The following ESYT2 variants were observed in gnomAD, a reference collection of about 807,000 sequenced individuals.
ESYT2 encodes the protein extended synaptotagmin-2.
A neutral mutation model predicts 107.2 loss-of-function variants in ESYT2; 54 were observed. The observed-to-expected ratio is 0.50, with a 90% CI of 0.40 to 0.63. ESYT2 has a LOEUF of 0.63. ESYT2 is among the 30% of genes least tolerant of loss of function. The pLI is 0.00. For synonymous variants in ESYT2, 491 were observed against 434.1 expected (o/e 1.13, Z -1.63); for missense variants, 1,020 against 1,094.5 (o/e 0.93, Z 0.96).
At chr7:158,736,396 T>A (rs1253200569) in intron 20 of ESYT2, among the ~76,000 whole-genome samples, 1 of 152,224 alleles carries the variant, frequency 6.6e-6, no homozygotes, top group Admixed American at 6.5e-5. Context: ...AGGGTGGGTT[T>A]TGAAGCACTA....
chr7:158,806,007 C>T (rs1460097369), intron 1 of ESYT2, among the ~76,000 whole-genome samples: 1 of 152,196 alleles, frequency 6.6e-6, no homozygotes, highest in Non-Finnish European at 1.5e-5. Flanking sequence ...CACCATGGGC[C>T]CCAGGGACAC....
intron 6 of ESYT2, among the ~76,000 whole-genome samples, chr7:158,774,645 G>C (rs138456424): frequency 1.1e-3 from 175 of 152,260 alleles, no homozygotes; most frequent in Non-Finnish European, 2.1e-3. Context: ...AAAAATACCT[G>C]TCATGAGGAA....
intron 13 of ESYT2, among the ~76,000 whole-genome samples, chr7:158,753,320 A>G (rs1837642818): frequency 6.6e-6 from 1 of 152,220 alleles, no homozygotes; most frequent in Non-Finnish European, 1.5e-5. Context: ...AGCACCCAGC[A>G]GAGGAGCTGC....
intron 1 of ESYT2, among the ~76,000 whole-genome samples, chr7:158,827,289 A>C (rs1840485621): frequency 6.6e-6 from 1 of 152,182 alleles, no homozygotes; most frequent in African/African-American, 2.4e-5. Flanking sequence ...TGCAAATTTC[A>C]GCACTGATAA....
At chr7:158,828,725 G>A (rs1188966) in intron 1 of ESYT2, among the ~76,000 whole-genome samples, 85,691 of 151,958 alleles carry the variant, frequency 0.56, 25,917 homozygotes, top group Non-Finnish European at 0.66. Context: ...GGCCCCAGGC[G>A]GACAGGTTCG....
chr7:158,781,875 GAAC>G (rs1438391667), intron 6 of ESYT2, among the ~76,000 whole-genome samples: 111 of 74,942 alleles, frequency 1.5e-3, no homozygotes, highest in Middle Eastern at 8.2e-3. Context: ...GTAAGAACGA[GAAC>G]AAGTAAGAAC....
Position 158,788,362 on chromosome 7 carries a change from C to T in ESYT2, c.640G>A (p.Gly214Ser). Reference sequence around the variant, plus strand: ...AAACTTACCTGGATACTTTTCACACCAGCTCTACAAAAATATCGTTTGATC... The same window carrying T: ...AAACTTACCTGGATACTTTTCACACTAGCTCTACAAAAATATCGTTTGATC... ...LEIKRYFCRAGVKSIQIHGTM... is the reference protein window; with the variant it reads ...LEIKRYFCRASVKSIQIHGTM... Residue 214 changes from glycine (G) to serine (S), a missense_variant, in exon 5 of 23, where the codon GGT (glycine) becomes AGT (serine). Gly to Ser is a moderately conservative substitution (Grantham distance 56). Coordinates refer to ENST00000275418, the MANE Select transcript of ESYT2 (RefSeq NM_001367773.1). 1 of 1,611,068 alleles carries T rather than the reference C, an allele frequency of 6.2e-7. No individual in the cohort carries two copies. The highest frequency in any genetic ancestry group is 8.5e-7 in the Non-Finnish European group (1 of 1,179,236).
intron 1 of ESYT2, among the ~76,000 whole-genome samples, chr7:158,801,367 T>A (rs991338118): frequency 6.6e-6 from 1 of 152,182 alleles, no homozygotes; most frequent in African/African-American, 2.4e-5. Context: ...CATCTATGAG[T>A]GATTATCCCA....
Position 158,797,953 on chromosome 7 carries a change from C to T in ESYT2, c.496G>A (p.Val166Met), listed in dbSNP as rs1242952239. The T allele has an allele frequency of 3.7e-6, 6 of 1,613,860 alleles. No homozygotes were observed. Among genetic ancestry groups the T allele is most frequent in the Middle Eastern group, 1.6e-4 (1 of 6,078 alleles). The stretch of plus-strand genomic sequence containing the variant: ...AAGAGAACACTGACCTGCTGGCCCA[C>T]GTCGACCTTCGTGAAACTAAAGGTG... ...LSTFSFTKVD[V>M]GQQPLRINGV... Residue 166 changes from valine to methionine, a missense_variant, in exon 3 of 23, where the codon GTG becomes ATG. By Grantham distance (21) the Val-to-Met change is conservative. Coordinates refer to ENST00000275418, the MANE Select transcript of ESYT2 (RefSeq NM_001367773.1).
In ESYT2 at chr7:158,767,643, G is replaced by C. The variant is rs1838208440; in HGVS notation, c.924+11C>G. 1.9e-6 allele frequency: 3 copies of C among 1,606,712 alleles called. No homozygotes were observed. In the South Asian group the frequency reaches 3.3e-5, roughly 18 times the overall value. ...GTTTTTAAATGTGAATGGATGCCGG[G>C]ACACGCTTACCTTTGGTACAGGAAA... is the stretch of plus-strand genomic sequence containing the variant. On this transcript the variant is annotated intron_variant, in intron 8 of 22. Coordinates refer to ENST00000275418, the MANE Select transcript of ESYT2 (RefSeq NM_001367773.1).
At chr7:158,800,193 C>T (rs561343843) in intron 1 of ESYT2, among the ~76,000 whole-genome samples, 2 of 151,250 alleles carry the variant, frequency 1.3e-5, no homozygotes, top group Non-Finnish European at 2.9e-5. Context: ...GGATTGCAGG[C>T]ACCTACCACC....
chr7:158,739,645 G>T (rs976785027), intron 18 of ESYT2, among the ~76,000 whole-genome samples: 4 of 152,188 alleles, frequency 2.6e-5, no homozygotes, highest in Non-Finnish European at 5.9e-5. Context: ...ATCGCGTCCA[G>T]CCAACTGACA....
intron 1 of ESYT2, among the ~76,000 whole-genome samples, chr7:158,811,575 G>A (rs547335923): frequency 8.5e-5 from 13 of 152,302 alleles, no homozygotes; most frequent in African/African-American, 2.9e-4. Context: ...ACAAGCTCCC[G>A]CACATGTGCA....
intron 1 of ESYT2, among the ~76,000 whole-genome samples, chr7:158,825,096 C>T (rs1004599810): frequency 2.6e-5 from 4 of 152,174 alleles, no homozygotes; most frequent in Non-Finnish European, 4.4e-5. Flanking sequence ...AGTTTGAGAC[C>T]AGCCTGGCCA....
chr7:158,776,224 G>A (rs1838558736), intron 6 of ESYT2, among the ~76,000 whole-genome samples: 1 of 151,252 alleles, frequency 6.6e-6, no homozygotes, highest in African/African-American at 2.4e-5. Context: ...AGGGCCCAAG[G>A]GTCTTCAGAA....
At chr7:158,806,146 CGCGTAGGAGGCGCTGGCGCACAAT>C (rs1466711320) in intron 1 of ESYT2, among the ~76,000 whole-genome samples, 2 of 25,868 alleles carry the variant, frequency 7.7e-5, no homozygotes, top group Non-Finnish European at 2.6e-4. Context: ...CGGGGCACAC[CGCGTAGGAGGCGCTGGCGCACAAT>C]GCGTAGGAGG....
At chr7:158,739,655 A>C (rs1837121263) in intron 18 of ESYT2, among the ~76,000 whole-genome samples, 2 of 152,182 alleles carry the variant, frequency 1.3e-5, no homozygotes, top group African/African-American at 4.8e-5. Context: ...GCCAACTGAC[A>C]GTTTTTTAGT....
At chr7:158,771,399 C>T (rs879488957) in intron 7 of ESYT2, among the ~76,000 whole-genome samples, 1 of 152,226 alleles carries the variant, frequency 6.6e-6, no homozygotes, top group Admixed American at 6.5e-5. Context: ...TTGGGGGATG[C>T]CCCCATTCAC....
At position 158,802,421 on chromosome 7, in the gene ESYT2, C is replaced by T. The variant is rs974734600; in HGVS notation, c.331-3349G>A. Among the ~76,000 whole-genome samples, 7 of 152,126 alleles carry T rather than the reference C, an allele frequency of 4.6e-5. No individual in the cohort carries two copies. In the South Asian group the frequency reaches 6.2e-4, roughly 14 times the overall value. On this transcript the variant is annotated intron_variant, in intron 1 of 22. Coordinates refer to ENST00000275418, the MANE Select transcript of ESYT2 (RefSeq NM_001367773.1). The stretch of plus-strand genomic sequence containing the variant: ...CCTGCCTCTCGAGTAGCTGGGACTA[C>T]AGGTGCCCGCCACCACAAGTGGCTA...
Sources: gnomAD v4.1 joint callset for allele counts (sites outside exome capture counted in the v4.1 genomes callset) on GRCh38, gnomAD v4.1.1 for gene constraint, MANE v1.5 for transcripts, NCBI Gene and HGNC (gene_info 2026-07-23, HGNC 2026-07-21) for gene names.